CMSS1: variants seen among roughly 807,000 people sequenced by gnomAD.
CMSS1 encodes the protein protein CMSS1.
In CMSS1, 33 loss-of-function variants were observed where a neutral mutation model predicts 43.5. The observed-to-expected ratio is 0.76, with a 90% CI of 0.57 to 1.01. CMSS1 has a LOEUF of 1.01. Ranked by LOEUF, CMSS1 falls within the 50% of genes least tolerant of loss-of-function variation. The pLI, the probability that CMSS1 is intolerant of heterozygous loss-of-function variation, is 0.00. For missense variants in CMSS1, 313 were observed against 326.4 expected, an observed-to-expected ratio of 0.96 and a Z score of 0.32; for synonymous variants, 115 against 117.2, an observed-to-expected ratio of 0.98 and a Z score of 0.12.
chr3:99,836,621 G>A (rs1322779332), intron 1 of CMSS1, among the ~76,000 whole-genome samples: 1 of 152,124 alleles, frequency 6.6e-6, no homozygotes, highest in Non-Finnish European at 1.5e-5. Context: ...GATGAATTTT[G>A]TGGGACCCTA....
chr3:99,931,576 T>C (rs745698411), intron 1 of CMSS1, among the ~76,000 whole-genome samples: 118 of 152,318 alleles, frequency 7.7e-4, no homozygotes, highest in Non-Finnish European at 1.3e-3. Context: ...TGCATTATTT[T>C]GTTTTGAAGG....
chr3:99,841,546 G>A (rs1943131920), intron 1 of CMSS1, among the ~76,000 whole-genome samples: 1 of 152,142 alleles, frequency 6.6e-6, no homozygotes, highest in South Asian at 2.1e-4. Flanking sequence ...CCTCAGGAAT[G>A]GCTGAGGACG....
intron 1 of CMSS1, among the ~76,000 whole-genome samples, chr3:100,078,337 A>AT (rs575712651): frequency 1.3e-5 from 2 of 151,878 alleles, no homozygotes; most frequent in African/African-American, 2.4e-5. Context: ...ACTTTGCCTA[A>AT]TTTTTTTTTC....
At chr3:99,917,706 G>A (rs1223356820) in intron 1 of CMSS1, among the ~76,000 whole-genome samples, 1 of 152,164 alleles carries the variant, frequency 6.6e-6, no homozygotes, top group East Asian at 1.9e-4. Flanking sequence ...GATGTGCAAA[G>A]GTGATATTAG....
At position 100,149,363 on chromosome 3, in the gene CMSS1, T is replaced by G. The variant is rs139732856; in HGVS notation, c.153+2302T>G. ...CTCCAAGGATACTGTTGCTTTCACT[T>G]TCCTTTTTACCTGTCCTCTCTCTTT... On this transcript the variant is annotated intron_variant, in intron 2 of 9. Coordinates refer to ENST00000421999, the MANE Select transcript of CMSS1 (RefSeq NM_032359.4). Among the ~76,000 whole-genome samples the G allele has an allele frequency of 3.1e-3, 471 of 152,284 alleles. 3 individuals are homozygous for G. Among genetic ancestry groups the G allele is most frequent in the African/African-American group, 0.011 (445 of 41,564 alleles).
intron 1 of CMSS1, among the ~76,000 whole-genome samples, chr3:99,957,913 GA>G (rs1346618937): frequency 6.7e-6 from 1 of 149,962 alleles, no homozygotes; most frequent in African/African-American, 2.4e-5. Context: ...CCTGTGTTTG[GA>G]ACCTGTTTAA....
chr3:99,903,242 G>A (rs1466861901), intron 1 of CMSS1, among the ~76,000 whole-genome samples: 1 of 150,808 alleles, frequency 6.6e-6, no homozygotes, highest in Non-Finnish European at 1.5e-5. Context: ...GTGTGTATAT[G>A]TATACACATA....
chr3:100,068,437 A>G (rs1182709948), intron 1 of CMSS1, among the ~76,000 whole-genome samples: 2 of 152,132 alleles, frequency 1.3e-5, no homozygotes. Flanking sequence ...ACAAAACATC[A>G]TCTGAACTAA....
At chr3:100,012,742 T>C (rs1710194569) in intron 1 of CMSS1, among the ~76,000 whole-genome samples, 1 of 150,236 alleles carries the variant, frequency 6.7e-6, no homozygotes. Flanking sequence ...GATTGATTTC[T>C]GGATCCAGGA....
intron 1 of CMSS1, among the ~76,000 whole-genome samples, chr3:99,932,459 C>T (rs1707513481): frequency 6.6e-6 from 1 of 151,896 alleles, no homozygotes; most frequent in African/African-American, 2.4e-5. Context: ...CCATCATTTA[C>T]TTGTTCATTT....
chr3:100,071,521 G>T (rs1028816407), intron 1 of CMSS1, among the ~76,000 whole-genome samples: 2 of 152,148 alleles, frequency 1.3e-5, no homozygotes, highest in African/African-American at 2.4e-5. Flanking sequence ...GGAGAAGGGT[G>T]GGGGGCAGAG....
At chr3:100,137,083 T>C (rs2066762197) in intron 1 of CMSS1, among the ~76,000 whole-genome samples, 2 of 152,246 alleles carry the variant, frequency 1.3e-5, no homozygotes, top group Admixed American at 6.5e-5. Context: ...GTGTTCTTTC[T>C]CAGTGATGCT....
intron 1 of CMSS1, among the ~76,000 whole-genome samples, chr3:99,961,016 A>C (rs2107702701): frequency 6.6e-6 from 1 of 152,248 alleles, no homozygotes; most frequent in South Asian, 2.1e-4. Flanking sequence ...AGGTTTTATC[A>C]GGAACATATT....
At chr3:99,953,638 G>T (rs1386214191) in intron 1 of CMSS1, among the ~76,000 whole-genome samples, 1 of 152,066 alleles carries the variant, frequency 6.6e-6, no homozygotes, top group Non-Finnish European at 1.5e-5. Flanking sequence ...TGTTCCTATT[G>T]TCTTGCTAAT....
chr3:99,925,054 C>T (rs1011735164), intron 1 of CMSS1, among the ~76,000 whole-genome samples: 16 of 152,166 alleles, frequency 1.1e-4, no homozygotes, highest in African/African-American at 3.9e-4. Context: ...AATCCTTGCA[C>T]GGTGCTGGAT....
chr3:99,891,477 A>G (rs1291384396), intron 1 of CMSS1, among the ~76,000 whole-genome samples: 1 of 152,170 alleles, frequency 6.6e-6, no homozygotes, highest in Non-Finnish European at 1.5e-5. Flanking sequence ...TTGGCCTTGA[A>G]TATTCCTAAT....
rs545027192 is a variant in CMSS1, at chr3:99,903,880, T to C, written c.64+85837T>C. Among the ~76,000 whole-genome samples the C allele has an allele frequency of 6.1e-4, 93 of 152,334 alleles. 1 individual carries two copies. Among genetic ancestry groups the C allele is most frequent in the South Asian group, 1.9e-3 (9 of 4,822 alleles). On this transcript the variant is annotated intron_variant, in intron 1 of 9. Transcript: ENST00000421999. Reference sequence around the variant, plus strand: ...TAATAGAGCTGTCGTCCCCTGCTGCTTCATTTAATGGTACTCATTTGTCCT... The same window carrying C: ...TAATAGAGCTGTCGTCCCCTGCTGCCTCATTTAATGGTACTCATTTGTCCT...
chr3:99,914,092 C>T (rs1326648266), intron 1 of CMSS1, among the ~76,000 whole-genome samples: 2 of 152,154 alleles, frequency 1.3e-5, no homozygotes, highest in East Asian at 1.9e-4. Context: ...GCAAAGTGGG[C>T]CTTAGATCCC....
At chr3:99,938,666 G>A (rs1017996861) in intron 1 of CMSS1, among the ~76,000 whole-genome samples, 4 of 152,188 alleles carry the variant, frequency 2.6e-5, no homozygotes, top group Non-Finnish European at 5.9e-5. Flanking sequence ...TCTCAGCAGA[G>A]CTGGTTGGCC....
Sources: allele counts gnomAD v4.1 joint callset (sites outside exome capture counted in the v4.1 genomes callset), GRCh38; gene constraint gnomAD v4.1.1; transcripts MANE v1.5; gene names NCBI Gene and HGNC (gene_info 2026-07-23, HGNC 2026-07-21).